WDR70: variants seen among roughly 807,000 people sequenced by gnomAD.
WDR70 encodes WD repeat-containing protein 70.
A neutral mutation model predicts 88.6 loss-of-function variants in WDR70; 53 were observed. The observed-to-expected ratio is 0.60, with a 90% CI of 0.48 to 0.75. The LOEUF (loss-of-function observed/expected upper bound fraction) is 0.75. Ranked by LOEUF, WDR70 falls within the 30% of genes least tolerant of loss-of-function variation. The pLI is 0.00. For synonymous variants in WDR70, 280 were observed against 270.0 expected (o/e 1.04, Z -0.36); for missense variants, 610 against 823.2 (o/e 0.74, Z 3.17).
At chr5:37,597,914 C>T (rs1265893290) in intron 9 of WDR70, among the ~76,000 whole-genome samples, 3 of 152,234 alleles carry the variant, frequency 2.0e-5, no homozygotes, top group African/African-American at 7.2e-5. Flanking sequence ...TTGCCTTACG[C>T]AGGGTGGTAG....
chr5:37,402,293 TTG>T (rs35565451), intron 5 of WDR70, among the ~76,000 whole-genome samples: 5,564 of 24,344 alleles, frequency 0.23, 134 homozygotes, highest in Middle Eastern at 0.31. Flanking sequence ...CAGATAGTAT[TTG>T]TGTGTGTGTG....
intron 13 of WDR70, among the ~76,000 whole-genome samples, chr5:37,708,969 A>G (rs74376221): frequency 0.067 from 10,225 of 152,270 alleles, 373 homozygotes; most frequent in South Asian, 0.12. Context: ...TTACTGATAT[A>G]AAGTCCCAAC....
chr5:37,480,479 G>A (rs1581320918), intron 8 of WDR70, among the ~76,000 whole-genome samples: 1 of 152,182 alleles, frequency 6.6e-6, no homozygotes, highest in East Asian at 1.9e-4. Context: ...CACAATCATG[G>A]TGGAAGGCAA....
intron 17 of WDR70, among the ~76,000 whole-genome samples, chr5:37,750,376 A>G (rs1748770470): frequency 6.6e-6 from 1 of 152,150 alleles, no homozygotes. Context: ...CTCTGCAAAA[A>G]AATAAAAAAA....
At chr5:37,723,513 T>C (rs16903704) in intron 15 of WDR70, 12,742 of 152,540 alleles carry the variant, frequency 0.084, 1,710 homozygotes, top group African/African-American at 0.28. Context: ...GGCAGATGTG[T>C]GTTCCCAGAG....
intron 9 of WDR70, among the ~76,000 whole-genome samples, chr5:37,534,646 C>T (rs1020438575): frequency 2.0e-5 from 3 of 151,952 alleles, no homozygotes; most frequent in Admixed American, 1.3e-4. Flanking sequence ...TACAGGCTCC[C>T]ACCACCACAC....
At chr5:37,511,780 G>A (rs949482384) in intron 8 of WDR70, among the ~76,000 whole-genome samples, 1 of 152,054 alleles carries the variant, frequency 6.6e-6, no homozygotes, top group Admixed American at 6.6e-5. Context: ...CTCCAACAGG[G>A]CTAAACCTTA....
intron 10 of WDR70, among the ~76,000 whole-genome samples, chr5:37,652,173 C>G (rs959179526): frequency 1.3e-5 from 2 of 152,184 alleles, no homozygotes; most frequent in African/African-American, 4.8e-5. Context: ...CCAGTTTTCC[C>G]AACACCATTT....
At chr5:37,494,858 A>G (rs1447796226) in intron 8 of WDR70, among the ~76,000 whole-genome samples, 1 of 152,254 alleles carries the variant, frequency 6.6e-6, no homozygotes, top group African/African-American at 2.4e-5. Flanking sequence ...CTTGGACTTT[A>G]GAATCCTTGA....
intron 9 of WDR70, among the ~76,000 whole-genome samples, chr5:37,543,947 T>G (rs1741909087): frequency 6.6e-6 from 1 of 152,132 alleles, no homozygotes; most frequent in African/African-American, 2.4e-5. Context: ...CTTTTTTGTA[T>G]TTTTAATGGA....
rs546161802 is a variant in WDR70, at chr5:37,593,106, A to T, written c.918-11958A>T. Among the ~76,000 whole-genome samples the T allele has an allele frequency of 6.8e-4, 103 of 152,302 alleles. 1 individual carries two copies. The South Asian group carries it at 0.021, about 31-fold the overall frequency. On this transcript the variant is annotated intron_variant, in intron 9 of 17. Coordinates refer to ENST00000265107, the MANE Select transcript of WDR70 (RefSeq NM_018034.4). ...GAAGTTCAAGTTATGGTGAGCTGTGATCACACCACTGTACTCCAGCCTGGA... is the reference window on the plus strand; with the variant it reads ...GAAGTTCAAGTTATGGTGAGCTGTGTTCACACCACTGTACTCCAGCCTGGA...
intron 3 of WDR70, among the ~76,000 whole-genome samples, chr5:37,386,240 A>G (rs1334835365): frequency 6.6e-6 from 1 of 152,242 alleles, no homozygotes; most frequent in East Asian, 1.9e-4. Context: ...GAATGTTTGT[A>G]CTATCACAGT....
chr5:37,727,126 C>A, intron 17 of WDR70, 81 bp downstream of exon 17: 1 of 1,482,388 alleles, frequency 6.7e-7, no homozygotes, highest in Non-Finnish European at 9.0e-7. Flanking sequence ...TTTTTGAGTT[C>A]TAACTTCTCT....
At chr5:37,557,925 A>AGAGTACTCTTTTGAAAACTCTTCAAAT (rs2112365144) in intron 9 of WDR70, among the ~76,000 whole-genome samples, 1 of 136,124 alleles carries the variant, frequency 7.3e-6, no homozygotes, top group South Asian at 2.3e-4. Flanking sequence ...ACTCTTCAAA[A>AGAGTACTCTTTTGAAAACTCTTCAAAT]GAGTACTCTT....
At chr5:37,379,807 T>TA (rs1261100518) in intron 2 of WDR70, among the ~76,000 whole-genome samples, 1 of 152,232 alleles carries the variant, frequency 6.6e-6, no homozygotes, top group African/African-American at 2.4e-5. Context: ...CCAATAATGC[T>TA]AAAATGAACA....
At position 37,563,627 on chromosome 5, in the gene WDR70, CG is replaced by C. The variant is rs529687691; in HGVS notation, c.918-41435del. On this transcript the variant is annotated intron_variant, in intron 9 of 17. Transcript: ENST00000265107. ...GGGGATGACCCCCCCCACCTCCCCCCGGATGGGGCGGCTGGCCGGGCGGGGG... is the reference window on the plus strand; with the variant it reads ...GGGGATGACCCCCCCCACCTCCCCCCGATGGGGCGGCTGGCCGGGCGGGGG... 0.032 allele frequency among the ~76,000 whole-genome samples: 100 copies of C among 3,168 alleles called. 24 individuals carry two copies. The East Asian group carries it at 0.51, about 16-fold the overall frequency. 2.1% of individuals were successfully genotyped at this position (3,168 alleles called of 152,430 possible).
In WDR70 at chr5:37,600,484, G is replaced by T. The variant is rs189418534; in HGVS notation, c.918-4580G>T. 1.2e-3 allele frequency among the ~76,000 whole-genome samples: 160 copies of T among 136,642 alleles called. 1 individual carries two copies. Among genetic ancestry groups the T allele is most frequent in the African/African-American group, 4.3e-3 (155 of 36,118 alleles). The allele number at this position is 136,642 out of a possible 152,430, so 89.6% of individuals were successfully genotyped here. On this transcript the variant is annotated intron_variant, in intron 9 of 17. Transcript: ENST00000265107. Reference sequence around the variant, plus strand: ...GGAGCTTGCAGTGAGCCGAGATTGCGCCACTGCACTCCAGCCTGGGCGACA... The same window carrying T: ...GGAGCTTGCAGTGAGCCGAGATTGCTCCACTGCACTCCAGCCTGGGCGACA...
chr5:37,588,282 C>T (rs1376718382), intron 9 of WDR70, among the ~76,000 whole-genome samples: 1 of 152,068 alleles, frequency 6.6e-6, no homozygotes, highest in Non-Finnish European at 1.5e-5. Flanking sequence ...ATGAAGTTCT[C>T]TATAGATTAT....
intron 7 of WDR70, among the ~76,000 whole-genome samples, chr5:37,455,572 T>G (rs1168319706): frequency 6.6e-6 from 1 of 151,070 alleles, no homozygotes; most frequent in African/African-American, 2.4e-5. Context: ...ATAGGCTATT[T>G]AGCTTTGGCT....
Sources: allele counts gnomAD v4.1 joint callset (sites outside exome capture counted in the v4.1 genomes callset), GRCh38; gene constraint gnomAD v4.1.1; transcripts MANE v1.5; gene names NCBI Gene and HGNC (gene_info 2026-07-23, HGNC 2026-07-21).